ZC3H18: variants seen among roughly 807,000 people sequenced by gnomAD.
ZC3H18 encodes zinc finger CCCH domain-containing protein 18.
ZC3H18 carries 8 observed loss-of-function variants against 106.1 expected under a neutral mutation model. That is an observed-to-expected ratio of 0.08 (90% CI 0.04 to 0.14). The LOEUF is 0.14. Among genes scored for constraint, ZC3H18 ranks in the 10% least tolerant of loss-of-function variants. The probability of loss-of-function intolerance (pLI) is 1.00; values close to 1 mark genes in which losing one functional copy is unlikely to be tolerated. For missense variants in ZC3H18, 1,318 were observed against 1,278.4 expected, an observed-to-expected ratio of 1.03 and a Z score of -0.47; for synonymous variants, 635 against 522.1, an observed-to-expected ratio of 1.22 and a Z score of -2.95.
Position 88,623,228 on chromosome 16 carries a change from G to T in ZC3H18, c.1677G>T (p.Ser559=), listed in dbSNP as rs147792336. The T allele has an allele frequency of 6.2e-7, 1 of 1,612,916 alleles. No homozygotes were observed. Among genetic ancestry groups the T allele is most frequent in the East Asian group, 2.2e-5 (1 of 44,876 alleles). The change falls in exon 10 of 18, where the codon TCG becomes TCT. Residue 559 remains serine (S), a synonymous_variant. Transcript: ENST00000301011. ...ASASNSSRSS[S]RSSSYSGSGS... ...GTCCCGCCCGCCCCAGGTCGTCTTC[G>T]CGGTCATCGTCCTACTCTGGCTCCG...
Position 88,589,931 on chromosome 16 carries a change from A to C in ZC3H18, c.688+3247A>C, listed in dbSNP as rs75012540. On this transcript the variant is annotated intron_variant, in intron 3 of 17. Coordinates refer to ENST00000301011, the MANE Select transcript of ZC3H18 (RefSeq NM_144604.4). ...TGCAAACCAGTGAATTGTACACATT[A>C]AATGGGAGTATTTTATGTTATGTGA... Among the ~76,000 whole-genome samples, 40 of 152,374 alleles carry C rather than the reference A, an allele frequency of 2.6e-4. No individual in the cohort carries two copies. The East Asian group carries it at 7.5e-3, about 29-fold the overall frequency.
At chr16:88,579,392 G>A (rs1914969360) in intron 2 of ZC3H18, among the ~76,000 whole-genome samples, 1 of 152,096 alleles carries the variant, frequency 6.6e-6, no homozygotes. Flanking sequence ...CTGCACCCAG[G>A]GCTCTGGCGT....
At chr16:88,576,153 G>A (rs1464573589) in intron 1 of ZC3H18, among the ~76,000 whole-genome samples, 1 of 151,888 alleles carries the variant, frequency 6.6e-6, no homozygotes, top group African/African-American at 2.4e-5. Flanking sequence ...ACCTGCCTCG[G>A]GCCTCCCAAA....
intron 3 of ZC3H18, 136 bp downstream of exon 3, chr16:88,586,820 GGT>G: frequency 3.1e-6 from 2 of 643,852 alleles, no homozygotes; most frequent in Non-Finnish European, 5.6e-6. Flanking sequence ...TGGTGGTGGT[GGT>G]GGTGGTGGTG....
chr16:88,590,382 C>G (rs1003378068), intron 3 of ZC3H18, among the ~76,000 whole-genome samples: 1 of 152,160 alleles, frequency 6.6e-6, no homozygotes, highest in Non-Finnish European at 1.5e-5. Flanking sequence ...TTTTAGAGAT[C>G]AGTGCTTTGT....
At chr16:88,598,104 C>T in intron 3 of ZC3H18, 74 bp from the exon 4 acceptor site, 1 of 291,410 alleles carries the variant, frequency 3.4e-6, no homozygotes, top group East Asian at 1.6e-4. Context: ...CCCCTCCCAC[C>T]CCCCACCCCA....
intron 1 of ZC3H18, among the ~76,000 whole-genome samples, chr16:88,570,914 C>T (rs1455192470): frequency 6.6e-6 from 1 of 152,252 alleles, no homozygotes; most frequent in East Asian, 1.9e-4. Context: ...GGCTAAGGGG[C>T]GGTGAGAGGC....
At chr16:88,626,149 G>C (rs1461626509) in intron 13 of ZC3H18, 1 of 151,944 alleles carries the variant, frequency 6.6e-6, no homozygotes, top group African/African-American at 2.4e-5. Context: ...GTAGAGACTG[G>C]GTTTTACCAC....
intron 6 of ZC3H18, among the ~76,000 whole-genome samples, chr16:88,603,089 C>T (rs1463267244): frequency 1.3e-5 from 2 of 151,860 alleles, no homozygotes; most frequent in African/African-American, 2.4e-5. Context: ...CTCAGCCTCC[C>T]GAGTAGCTGG....
chr16:88,601,974 G>C (rs751013036), intron 6 of ZC3H18, among the ~76,000 whole-genome samples: 2 of 152,226 alleles, frequency 1.3e-5, no homozygotes, highest in Admixed American at 6.5e-5. Flanking sequence ...CTAAGGGAAG[G>C]GTGGGTCCAC....
intron 16 of ZC3H18, 99 bp downstream of exon 16, chr16:88,628,953 G>A: frequency 2.5e-6 from 3 of 1,211,322 alleles, no homozygotes; most frequent in Non-Finnish European, 3.6e-6. Context: ...CAAGTAGGAG[G>A]AGGGTCCAGA....
intron 2 of ZC3H18, among the ~76,000 whole-genome samples, chr16:88,583,148 T>C (rs1915234343): frequency 6.6e-6 from 1 of 152,370 alleles, no homozygotes; most frequent in Non-Finnish European, 1.5e-5. Context: ...CCTTTCCTTA[T>C]CTGCATCTGC....
intron 1 of ZC3H18, 123 bp downstream of exon 1, chr16:88,570,689 CG>C (rs1228308468): frequency 4.6e-5 from 7 of 151,244 alleles, no homozygotes; most frequent in Admixed American, 2.6e-4. Flanking sequence ...TCCGGCCGTG[CG>C]GACCCACCGG....
rs149632151 is a variant in ZC3H18, at chr16:88,598,248, A to G, written c.759A>G (p.Leu253=). 222 of 1,613,752 alleles carry G rather than the reference A, an allele frequency of 1.4e-4. No individual in the cohort carries two copies. Among genetic ancestry groups the G allele is most frequent in the South Asian group, 3.0e-4 (27 of 91,050 alleles). The change falls in exon 4 of 18, where the codon CTA becomes CTG. Residue 253 remains leucine, a synonymous_variant. Coordinates refer to ENST00000301011, the MANE Select transcript of ZC3H18 (RefSeq NM_144604.4). ...TGAACGACAAGGGGAACTACTCCCT[A>G]ATCACCAAAGCCGACCCCTTCCCGC... The part of the protein sequence containing the change: ...PGVNDKGNYS[L]ITKADPFPPN...
rs1906714386 is a variant in ZC3H18 at position 88,631,881 on chromosome 16, G to T, written c.*582G>T. ...AAAAATACAGAAAAGACCAAAAAAA[G>T]GCCAAGGGTGTTGTTGGGGCGTCTG... On this transcript the variant is annotated 3_prime_UTR_variant, in exon 18 of 18. Transcript: ENST00000301011. 2 of 294,040 alleles carry T rather than the reference G, an allele frequency of 6.8e-6. No individual in the cohort carries two copies. Among genetic ancestry groups the T allele is most frequent in the East Asian group, 1.2e-4 (1 of 8,392 alleles). 18.2% of individuals were successfully genotyped at this position (294,040 alleles called of 1,614,324 possible).
chr16:88,620,523 G>C (rs1228743947), intron 8 of ZC3H18, among the ~76,000 whole-genome samples: 1 of 151,298 alleles, frequency 6.6e-6, no homozygotes, highest in Non-Finnish European at 1.5e-5. Context: ...CAAGGCTGCA[G>C]TGATTATGCC....
chr16:88,581,752 C>G (rs1915144282), intron 2 of ZC3H18, among the ~76,000 whole-genome samples: 1 of 152,246 alleles, frequency 6.6e-6, no homozygotes, highest in South Asian at 2.1e-4. Flanking sequence ...CCCTGACCCA[C>G]TCATGCCATG....
rs1412693960 is a variant in ZC3H18 at position 88,602,850 on chromosome 16, AG to A, written c.1088+2904del. Among the ~76,000 whole-genome samples, 7 of 152,328 alleles carry A rather than the reference AG, an allele frequency of 4.6e-5. No homozygotes were observed. The East Asian group carries it at 1.4e-3, about 29-fold the overall frequency. ...TTGTCACATAGAAGCACCTTCATGC[AG>A]GCAGGCTTTGCTTACTACAGGATGG... On this transcript the variant is annotated intron_variant, in intron 6 of 17. Coordinates refer to ENST00000301011, the MANE Select transcript of ZC3H18 (RefSeq NM_144604.4).
chr16:88,599,761 A>T, intron 5 of ZC3H18, 30 bp from the exon 6 acceptor site: 1 of 1,597,786 alleles, frequency 6.3e-7, no homozygotes, highest in East Asian at 2.2e-5. Context: ...ATTCTGTTCC[A>T]TGTTGACTTC....
Sources: allele counts gnomAD v4.1 joint callset (sites outside exome capture counted in the v4.1 genomes callset), GRCh38; gene constraint gnomAD v4.1.1; transcripts MANE v1.5; gene names NCBI Gene and HGNC (gene_info 2026-07-23, HGNC 2026-07-21).